Variants in PRUNE2 observed in about 807,000 individuals in gnomAD.
PRUNE2 encodes prune homolog 2 with BCH domain, also known as protein prune homolog 2.
In PRUNE2, 164 loss-of-function variants were observed where a neutral mutation model predicts 252.0. The ratio of observed to expected loss-of-function variants is 0.65; its 90% confidence interval spans 0.57 to 0.74. PRUNE2 has a LOEUF of 0.74. PRUNE2 is among the 30% of genes least tolerant of loss of function. The pLI is 0.00. For missense variants in PRUNE2, 3,495 were observed against 3,711.0 expected (o/e 0.94, Z 1.51); for synonymous variants, 1,292 against 1,350.2 (o/e 0.96, Z 0.94).
intron 16 of PRUNE2, among the ~76,000 whole-genome samples, chr9:76,628,821 T>TC (rs1836108346): frequency 6.6e-6 from 1 of 151,890 alleles, no homozygotes; most frequent in South Asian, 2.1e-4. Flanking sequence ...AGAACTGACC[T>TC]CTTTTCCAAC....
intron 6 of PRUNE2, among the ~76,000 whole-genome samples, chr9:76,790,955 G>A (rs1245660062): frequency 6.6e-6 from 1 of 152,108 alleles, no homozygotes; most frequent in African/African-American, 2.4e-5. Flanking sequence ...ACTACTATTT[G>A]GAATTCAAGT....
At chr9:76,864,972 T>C (rs1330616343) in intron 1 of PRUNE2, among the ~76,000 whole-genome samples, 1 of 152,196 alleles carries the variant, frequency 6.6e-6, no homozygotes, top group Non-Finnish European at 1.5e-5. Flanking sequence ...ATATCTGCAA[T>C]TGTTTTTTGA....
chr9:76,874,387 T>C (rs1229025696), intron 1 of PRUNE2, among the ~76,000 whole-genome samples: 4 of 152,150 alleles, frequency 2.6e-5, no homozygotes, highest in East Asian at 1.9e-4. Flanking sequence ...ATGCTCTGAA[T>C]TGGTGTCAGT....
rs1288935094 is a variant in PRUNE2 at position 76,703,627 on chromosome 9, C to T, written c.7986G>A (p.Pro2662=). The stretch of plus-strand genomic sequence containing the variant: ...CCTCACCCAAGCCGAGTTCAGAGAA[C>T]GGCTCCACAGTCTTGCCAGACCACC... ...GPGWSGKTVE[P]FSELGLGEGP... Residue 2662 remains proline (P), a synonymous_variant, in exon 9 of 19, where the codon CCG becomes CCA. Coordinates refer to ENST00000376718, the MANE Select transcript of PRUNE2 (RefSeq NM_015225.3). 23 of 1,612,386 alleles carry T rather than the reference C, an allele frequency of 1.4e-5. No homozygotes were observed. The highest frequency in any genetic ancestry group is 2.7e-5 in the African/African-American group (2 of 74,910).
intron 3 of PRUNE2, among the ~76,000 whole-genome samples, chr9:76,848,932 T>TC (rs753140672): frequency 6.6e-6 from 1 of 152,224 alleles, no homozygotes; most frequent in Non-Finnish European, 1.5e-5. Flanking sequence ...TCTCGCTCTG[T>TC]CATCTAGGCT....
At position 76,859,851 on chromosome 9, in the gene PRUNE2, C is replaced by T. The variant is rs567432760; in HGVS notation, c.37-5643G>A. ...CCAAGTAGCTGGGATTACAAGTGCC[C>T]GCCACCATGCCCAGCTAATTTTTCT... On this transcript the variant is annotated intron_variant, in intron 1 of 18. Transcript: ENST00000376718. Among the ~76,000 whole-genome samples the T allele has an allele frequency of 6.6e-5, 10 of 152,184 alleles. No homozygotes were observed. The East Asian group carries it at 1.2e-3, about 18-fold the overall frequency.
In PRUNE2 at chr9:76,840,938, G is replaced by A. The variant is rs546737859; in HGVS notation, c.508+5577C>T. Among the ~76,000 whole-genome samples, 27 of 151,598 alleles carry A rather than the reference G, an allele frequency of 1.8e-4. 1 individual carries two copies. The highest frequency in any genetic ancestry group is 4.2e-4 in the South Asian group (2 of 4,786). ...GGAGGTTGCAGTGAGCCAAGATTGC[G>A]CCACTGCACTCCAACCTGGGCAACA... On this transcript the variant is annotated intron_variant, in intron 4 of 18. Transcript: ENST00000376718.
At chr9:76,849,227 G>A (rs141627257) in intron 3 of PRUNE2, among the ~76,000 whole-genome samples, 1 of 152,176 alleles carries the variant, frequency 6.6e-6, no homozygotes, top group African/African-American at 2.4e-5. Context: ...TGGTTCTTTG[G>A]ACAAGTCGTT....
intron 9 of PRUNE2, among the ~76,000 whole-genome samples, chr9:76,656,154 C>T (rs559025151): frequency 4.6e-5 from 7 of 152,264 alleles, no homozygotes; most frequent in African/African-American, 1.2e-4. Context: ...GCTGAGCCCA[C>T]AACCATCTGT....
chr9:76,898,991 T>G (rs1187523511), intron 1 of PRUNE2, among the ~76,000 whole-genome samples: 2 of 152,184 alleles, frequency 1.3e-5, no homozygotes, highest in Non-Finnish European at 2.9e-5. Context: ...ACCCCACACA[T>G]GAGGTCTGCA....
At position 76,823,629 on chromosome 9, in the gene PRUNE2, T is replaced by C; in HGVS notation, c.756+3A>G. On this transcript the variant is annotated splice_donor_region_variant and intron_variant, in intron 6 of 18. Transcript: ENST00000376718. ...AATGCTAAAAAAGCATTCCCACCCT[T>C]ACCTCAAGGTTCATGCTCACAGTAC... 6.4e-7 allele frequency: 1 copy of C among 1,569,520 alleles called. No homozygotes were observed. Among genetic ancestry groups the C allele is most frequent in the Non-Finnish European group, 8.8e-7 (1 of 1,139,332 alleles).
chr9:76,863,459 A>C (rs980105180), intron 1 of PRUNE2, among the ~76,000 whole-genome samples: 1 of 152,174 alleles, frequency 6.6e-6, no homozygotes, highest in Admixed American at 6.6e-5. Context: ...CAGGATGTTT[A>C]TCCTATTCTC....
chr9:76,839,577 G>T (rs1453579681), intron 4 of PRUNE2, among the ~76,000 whole-genome samples: 1 of 152,220 alleles, frequency 6.6e-6, no homozygotes, highest in Non-Finnish European at 1.5e-5. Flanking sequence ...GAGATGACGT[G>T]GTGGTCTCTA....
chr9:76,837,246 A>G (rs868479831), intron 4 of PRUNE2, among the ~76,000 whole-genome samples: 29 of 152,080 alleles, frequency 1.9e-4, no homozygotes, highest in African/African-American at 6.8e-4. Context: ...GATTGAGACC[A>G]TCCTGGCCAA....
At chr9:76,874,368 G>C (rs1302328485) in intron 1 of PRUNE2, among the ~76,000 whole-genome samples, 1 of 152,116 alleles carries the variant, frequency 6.6e-6, no homozygotes, top group East Asian at 1.9e-4. Context: ...AAGCATGTTG[G>C]GGAGTCTAAT....
chr9:76,804,835 T>A (rs1056402766), intron 6 of PRUNE2, among the ~76,000 whole-genome samples: 8 of 152,216 alleles, frequency 5.3e-5, no homozygotes, highest in African/African-American at 1.9e-4. Context: ...CCAAGTTTTT[T>A]GAAAACTTCT....
rs1463098573 is a variant in PRUNE2, at chr9:76,624,925, T to A, written c.9150-435A>T. On this transcript the variant is annotated intron_variant, in intron 16 of 18. Transcript: ENST00000376718. ...AATGGCATACAAAAGACTGATACAG[T>A]GACCTCTTGCTCTGGTAGCTTGTTG... 5.9e-6 allele frequency: 4 copies of A among 676,612 alleles called. No homozygotes were observed. In the African/African-American group the frequency reaches 7.5e-5, roughly 13 times the overall value. The allele number at this position is 676,612 out of a possible 1,614,324, so 41.9% of individuals were successfully genotyped here. A position where few individuals can be genotyped will look rare whatever the true frequency, so the allele number is the denominator to read the frequency against.
intron 9 of PRUNE2, among the ~76,000 whole-genome samples, chr9:76,658,362 C>G (rs7847922): frequency 0.061 from 9,243 of 152,054 alleles, 655 homozygotes; most frequent in African/African-American, 0.16. Flanking sequence ...CCGTCCCACT[C>G]CCCCCCAAAA....
intron 11 of PRUNE2, 36 bp from the exon 12 acceptor site, chr9:76,644,945 G>T: frequency 6.3e-7 from 1 of 1,592,484 alleles, no homozygotes. Context: ...GGCTGAAGGA[G>T]CAAGACCTCC....
Sources: allele counts gnomAD v4.1 joint callset (sites outside exome capture counted in the v4.1 genomes callset), GRCh38; gene constraint gnomAD v4.1.1; transcripts MANE v1.5; gene names NCBI Gene and HGNC (gene_info 2026-07-23, HGNC 2026-07-21).